Variants in TMPRSS7 observed in about 807,000 individuals in gnomAD.
TMPRSS7 encodes transmembrane protease serine 7.
TMPRSS7 carries 81 observed loss-of-function variants against 95.6 expected under a neutral mutation model. The ratio of observed to expected loss-of-function variants is 0.85; its 90% CI spans 0.71 to 1.02. TMPRSS7 has a LOEUF of 1.02. TMPRSS7 is among the 50% of genes least tolerant of loss of function. The pLI, the probability that TMPRSS7 is intolerant of heterozygous loss-of-function variation, is 0.00. For synonymous variants in TMPRSS7, 364 were observed against 337.8 expected (o/e 1.08, Z -0.85); for missense variants, 945 against 955.2 (o/e 0.99, Z 0.14).
chr3:112,051,437 C>A (rs1306668003), intron 9 of TMPRSS7, among the ~76,000 whole-genome samples: 1 of 151,964 alleles, frequency 6.6e-6, no homozygotes, highest in Non-Finnish European at 1.5e-5. Flanking sequence ...TTCCTGGAAC[C>A]AATCCTCCAC....
rs141591455 is a variant in TMPRSS7 at position 112,071,000 on chromosome 3, G to C, written c.1667-3296G>C. 4.4e-3 allele frequency among the ~76,000 whole-genome samples: 673 copies of C among 152,226 alleles called. 23 individuals are homozygous for C. In the East Asian group the frequency reaches 0.065, roughly 15 times the overall value. On this transcript the variant is annotated intron_variant, in intron 13 of 17. Transcript: ENST00000452346. The stretch of plus-strand genomic sequence containing the variant: ...TTATCCTGTCATTATGATGTTAGCT[G>C]GTCATTTTGCCCGTTAGTTGATGCA...
chr3:112,051,517 AT>A (rs2073348592), intron 9 of TMPRSS7, among the ~76,000 whole-genome samples: 1 of 1,190 alleles, frequency 8.4e-4, no homozygotes, highest in Non-Finnish European at 2.2e-3. Flanking sequence ...TATACGAAAT[AT>A]CTATCTATCT....
At chr3:112,053,848 A>C (rs2073396320) in intron 9 of TMPRSS7, among the ~76,000 whole-genome samples, 1 of 152,194 alleles carries the variant, frequency 6.6e-6, no homozygotes, top group Non-Finnish European at 1.5e-5. Context: ...TACGTTTCTT[A>C]ACAATCACTT....
At chr3:112,056,042 CA>C (rs562130396) in intron 9 of TMPRSS7, among the ~76,000 whole-genome samples, 143 of 150,622 alleles carry the variant, frequency 9.5e-4, no homozygotes, top group African/African-American at 3.2e-3. Context: ...AATTATTTTA[CA>C]AAAAAAGTAA....
At chr3:112,064,351 C>CTTTTCTTTTTTT (rs56791526) in intron 12 of TMPRSS7, among the ~76,000 whole-genome samples, 1 of 149,014 alleles carries the variant, frequency 6.7e-6, no homozygotes, top group African/African-American at 2.5e-5. Flanking sequence ...TGTGTGTTTT[C>CTTTTCTTTTTTT]TTTTCTTTTT....
intron 7 of TMPRSS7, among the ~76,000 whole-genome samples, 188 bp downstream of exon 7, chr3:112,048,155 A>T (rs544135155): frequency 6.6e-6 from 1 of 152,216 alleles, no homozygotes; most frequent in Admixed American, 6.5e-5. Context: ...TATCAGTCTC[A>T]ATGTTTGTTT....
Position 112,054,231 on chromosome 3 carries a change from C to T in TMPRSS7, c.1204-2794C>T, listed in dbSNP as rs185176763. On this transcript the variant is annotated intron_variant, in intron 9 of 17. Coordinates refer to ENST00000452346, the Ensembl canonical transcript of TMPRSS7. ...AAAGATGAAGCCTCCTGCATCCTAT[C>T]ACCATCACTGACTAGAGAAATATTT... Among the ~76,000 whole-genome samples, 3 of 152,344 alleles carry T rather than the reference C, an allele frequency of 2.0e-5. No homozygotes were observed. The East Asian group carries it at 5.8e-4, about 29-fold the overall frequency.
intron 6 of TMPRSS7, chr3:112,047,369 T>C: frequency 3.5e-6 from 2 of 563,500 alleles, no homozygotes; most frequent in Non-Finnish European, 6.7e-6. Context: ...TAAACCATGA[T>C]GAAAACCACC....
At chr3:112,046,911 G>T (rs1450544525) in intron 5 of TMPRSS7, 63 bp from the exon 6 acceptor site, 1 of 693,828 alleles carries the variant, frequency 1.4e-6, no homozygotes, top group Non-Finnish European at 2.6e-6. Context: ...TTTTTACTAA[G>T]CAAAATTCTA....
intron 7 of TMPRSS7, 123 bp from the exon 8 acceptor site, chr3:112,049,721 C>G: frequency 1.3e-6 from 1 of 776,488 alleles, no homozygotes. Context: ...GGGAGAGATT[C>G]CCAAGAACTG....
At chr3:112,043,006 C>T (rs920740849) in intron 3 of TMPRSS7, 2 of 455,960 alleles carry the variant, frequency 4.4e-6, no homozygotes, top group South Asian at 1.5e-5. Context: ...AGAGAGGGCA[C>T]ATCAAAGACA....
chr3:112,052,271 C>T (rs1209234718), intron 9 of TMPRSS7, among the ~76,000 whole-genome samples: 1 of 151,810 alleles, frequency 6.6e-6, no homozygotes, highest in Non-Finnish European at 1.5e-5. Context: ...TGAAAGATGA[C>T]GGAACTAACC....
At chr3:112,043,013 G>A (rs2073229158) in intron 3 of TMPRSS7, 1 of 455,884 alleles carries the variant, frequency 2.2e-6, no homozygotes, top group African/African-American at 2.0e-5. Flanking sequence ...GCACATCAAA[G>A]ACAATAGTGC....
chr3:112,042,098 G>T (rs895355028), intron 3 of TMPRSS7, 48 bp downstream of exon 3: 2 of 1,486,508 alleles, frequency 1.3e-6, no homozygotes, highest in Non-Finnish European at 9.2e-7. Context: ...GGTTTGCGGG[G>T]AGGTGGGGGA....
chr3:112,041,548 G>T (rs2073208935), intron 2 of TMPRSS7, among the ~76,000 whole-genome samples: 1 of 151,996 alleles, frequency 6.6e-6, no homozygotes, highest in Non-Finnish European at 1.5e-5. Context: ...CCTGCATTAG[G>T]GGCTGAGGAA....
intron 1 of TMPRSS7, among the ~76,000 whole-genome samples, chr3:112,036,198 A>G (rs1431263686): frequency 2.0e-5 from 3 of 152,160 alleles, no homozygotes; most frequent in Non-Finnish European, 4.4e-5. Context: ...CTTATTTTCA[A>G]TCCTGCATCA....
At chr3:112,044,514 C>G (rs2073252354) in intron 4 of TMPRSS7, among the ~76,000 whole-genome samples, 192 bp downstream of exon 4, 1 of 152,150 alleles carries the variant, frequency 6.6e-6, no homozygotes, top group South Asian at 2.1e-4. Flanking sequence ...CTTTATCCAC[C>G]AAATCCCGAC....
intron 9 of TMPRSS7, among the ~76,000 whole-genome samples, chr3:112,054,219 C>T (rs78167809): frequency 0.015 from 2,314 of 152,258 alleles, 56 homozygotes; most frequent in African/African-American, 0.053. Flanking sequence ...GATGAAGCCT[C>T]CTGCATCCTA....
chr3:112,076,848 A>C, intron 15 of TMPRSS7, 28 bp from the exon 16 acceptor site: 1 of 1,604,766 alleles, frequency 6.2e-7, no homozygotes, highest in Non-Finnish European at 8.5e-7. Context: ...TAAGCTGCTA[A>C]CTTTATGTTT....
Sources: gnomAD v4.1 joint callset for allele counts (sites outside exome capture counted in the v4.1 genomes callset) on GRCh38, gnomAD v4.1.1 for gene constraint, MANE v1.5 for transcripts, NCBI Gene and HGNC (gene_info 2026-07-23, HGNC 2026-07-21) for gene names.